Variants in ENTPD7 observed in about 807,000 individuals in gnomAD.
ENTPD7 encodes NTPDase 7.
Under a neutral mutation model 77.9 loss-of-function variants are expected in ENTPD7, and 53 were observed. That is an observed-to-expected ratio of 0.68 (90% confidence interval 0.55 to 0.85). The LOEUF is 0.85. Ranked by LOEUF, ENTPD7 falls within the 40% of genes least tolerant of loss-of-function variation. ENTPD7 has a pLI of 0.00. For missense variants in ENTPD7, 636 were observed against 743.7 expected (o/e 0.86, Z 1.68); for synonymous variants, 248 against 274.9 (o/e 0.90, Z 0.97).
rs1211296721 is a variant in ENTPD7 at position 99,661,595 on chromosome 10, G to A, written c.158G>A (p.Ser53Asn). 1 of 1,611,960 alleles carries A rather than the reference G, an allele frequency of 6.2e-7. No homozygotes were observed. Among genetic ancestry groups the A allele is most frequent in the Non-Finnish European group, 8.5e-7 (1 of 1,179,356 alleles). ...TTAATCATAGACTTTCGACATTGGA[G>A]TGCTTCATTACCACGAGATAGGCAA... ...LMLIIDFRHWSASLPRDRQYE... is the reference protein window; with the variant it reads ...LMLIIDFRHWNASLPRDRQYE... The change falls in exon 3 of 13, where the codon AGT becomes AAT. Residue 53 changes from serine (S) to asparagine (N), a missense_variant. Physicochemically the swap from Ser to Asn is conservative, Grantham distance 46. Around this residue, in one of 3 missense-constraint regions of ENTPD7, gnomAD observed 486 missense variants for 556.5 expected, o/e 0.87. Transcript: ENST00000370489.
At chr10:99,679,546 C>T in intron 4 of ENTPD7, 80 bp downstream of exon 4, 1 of 1,480,258 alleles carries the variant, frequency 6.8e-7, no homozygotes, top group East Asian at 2.4e-5. Context: ...AGCAAGCTAC[C>T]CCTTTCTTCT....
At chr10:99,688,881 G>A in intron 7 of ENTPD7, 131 bp downstream of exon 7, 1 of 805,926 alleles carries the variant, frequency 1.2e-6, no homozygotes, top group Non-Finnish European at 2.0e-6. Flanking sequence ...TCATTTTCCA[G>A]TCCTAATTTG....
At chr10:99,682,565 T>C (rs538294132) in intron 5 of ENTPD7, among the ~76,000 whole-genome samples, 1 of 152,332 alleles carries the variant, frequency 6.6e-6, no homozygotes, top group East Asian at 1.9e-4. Flanking sequence ...AGGGAAATCT[T>C]AAAAATGAAC....
chr10:99,664,472 CAG>C (rs1284591160), intron 3 of ENTPD7, among the ~76,000 whole-genome samples: 1 of 132,878 alleles, frequency 7.5e-6, no homozygotes, highest in Non-Finnish European at 1.6e-5. Context: ...TTTTTTGAGA[CAG>C]AGTCTTGCTC....
chr10:99,670,648 G>A (rs1218005608), intron 3 of ENTPD7, among the ~76,000 whole-genome samples: 1 of 152,156 alleles, frequency 6.6e-6, no homozygotes. Context: ...ATAGGCAACT[G>A]CAACACAATG....
rs1021371415 is a variant in ENTPD7, at chr10:99,710,661, T to C, written c.*5978T>C. The C allele has an allele frequency of 1.0e-6, 1 of 985,424 alleles. No individual in the cohort carries two copies. The highest frequency in any genetic ancestry group is 1.2e-6 in the Non-Finnish European group (1 of 829,908). 61.0% of individuals were successfully genotyped at this position (985,424 alleles called of 1,614,324 possible). ...TCTCCCTTATGCAGGGACATGGGTA[T>C]ATGTGTTACATATGCTGATATATAA... is the stretch of plus-strand genomic sequence containing the variant. On this transcript the variant is annotated 3_prime_UTR_variant, in exon 13 of 13. Transcript: ENST00000370489.
rs749614688 is a variant in ENTPD7 at position 99,679,338 on chromosome 10, G to T, written c.269G>T (p.Cys90Phe). ...CTGAATTATGGACTTGTTGTTGACTGTGGCAGCAGTGGTTCCCGGATTTTT... is the reference window on the plus strand; with the variant it reads ...CTGAATTATGGACTTGTTGTTGACTTTGGCAGCAGTGGTTCCCGGATTTTT... ...PNLNYGLVVD[C>F]GSSGSRIFVY... The change falls in exon 4 of 13, where the codon TGT becomes TTT. Residue 90 changes from cysteine (C) to phenylalanine (F), a missense_variant. Coordinates refer to ENST00000370489, the MANE Select transcript of ENTPD7 (RefSeq NM_020354.5). The T allele has an allele frequency of 6.2e-7, 1 of 1,614,064 alleles. No individual in the cohort carries two copies.
At chr10:99,695,878 C>T (rs939464837) in intron 8 of ENTPD7, 78 bp from the exon 9 acceptor site, 8 of 1,346,370 alleles carry the variant, frequency 5.9e-6, no homozygotes, top group African/African-American at 2.9e-5. Flanking sequence ...AATGAAGCCT[C>T]GTGTATTAGC....
At chr10:99,678,361 G>T (rs1010150544) in intron 3 of ENTPD7, among the ~76,000 whole-genome samples, 4 of 151,746 alleles carry the variant, frequency 2.6e-5, no homozygotes, top group African/African-American at 9.7e-5. Context: ...CCAGCTACTT[G>T]GGAGGCTGAG....
chr10:99,681,224 A>T (rs1210962272), intron 5 of ENTPD7, among the ~76,000 whole-genome samples: 8 of 152,148 alleles, frequency 5.3e-5, no homozygotes, highest in Non-Finnish European at 2.9e-5. Flanking sequence ...AATCTTTGGA[A>T]TAATTAGCCA....
intron 12 of ENTPD7, among the ~76,000 whole-genome samples, chr10:99,704,042 A>C (rs1281191878): frequency 6.6e-6 from 1 of 152,216 alleles, no homozygotes; most frequent in Non-Finnish European, 1.5e-5. Flanking sequence ...CAACTTTAAA[A>C]AAAGGATTTA....
At chr10:99,678,745 C>A (rs1210749408) in intron 3 of ENTPD7, among the ~76,000 whole-genome samples, 1 of 145,536 alleles carries the variant, frequency 6.9e-6, no homozygotes, top group African/African-American at 2.6e-5. Flanking sequence ...CCACTGCGCT[C>A]CAGTCTGGGT....
At chr10:99,701,212 G>A (rs1357776878) in intron 11 of ENTPD7, among the ~76,000 whole-genome samples, 154 bp downstream of exon 11, 1 of 152,072 alleles carries the variant, frequency 6.6e-6, no homozygotes, top group African/African-American at 2.4e-5. Flanking sequence ...CCAAAATAGT[G>A]AGCCTATTAT....
chr10:99,701,292 T>G (rs1041033041), intron 11 of ENTPD7, among the ~76,000 whole-genome samples: 5 of 4,374 alleles, frequency 1.1e-3, no homozygotes, highest in African/African-American at 2.1e-3. Context: ...CAAAAGTGAT[T>G]TTTTTTTTTT....
intron 7 of ENTPD7, 34 bp downstream of exon 7, chr10:99,688,784 TAAG>T: frequency 9.3e-6 from 15 of 1,606,056 alleles, no homozygotes; most frequent in Non-Finnish European, 1.3e-5. Flanking sequence ...ACAGTTTACC[TAAG>T]GGCTGAAGAT....
At position 99,710,922 on chromosome 10, in the gene ENTPD7, G is replaced by A; in HGVS notation, c.*6239G>A. 1 of 985,312 alleles carries A rather than the reference G, an allele frequency of 1.0e-6. No individual in the cohort carries two copies. Among genetic ancestry groups the A allele is most frequent in the Non-Finnish European group, 1.2e-6 (1 of 829,822 alleles). The allele number at this position is 985,312 out of a possible 1,614,324, so 61.0% of individuals were successfully genotyped here. ...CATGTTTTAAAAACAATGGACGTAA[G>A]TGCAGAGAGACCTTTGAAAATATTA... is the stretch of plus-strand genomic sequence containing the variant. On this transcript the variant is annotated 3_prime_UTR_variant, in exon 13 of 13. Transcript: ENST00000370489.
chr10:99,667,767 CTGGCATCTTGACAG>C (rs1375164662), intron 3 of ENTPD7, among the ~76,000 whole-genome samples: 2 of 152,092 alleles, frequency 1.3e-5, no homozygotes, highest in Admixed American at 6.6e-5. Flanking sequence ...TCAGTTATAT[CTGGCATCTTGACAG>C]TGAAGCAGGA....
At position 99,659,831 on chromosome 10, in the gene ENTPD7, C is replaced by G. The variant is rs1036109867; in HGVS notation, c.-95-31C>G. On this transcript the variant is annotated intron_variant, in intron 1 of 12. Transcript: ENST00000370489. This position sits in a 1 kb window ranked among gnomAD's most constrained non-coding sequence, Gnocchi z 4.1. ...TGCAGGTTTGTCTCGTGGGCTCAGT[C>G]GGACAGAAGCCTGAAATCAAATCTT... The G allele has an allele frequency of 5.8e-6, 8 of 1,379,602 alleles. No individual in the cohort carries two copies. Among genetic ancestry groups the G allele is most frequent in the Non-Finnish European group, 6.0e-6 (6 of 994,226 alleles). 85.5% of individuals were successfully genotyped at this position (1,379,602 alleles called of 1,614,324 possible). A position where few individuals can be genotyped will look rare whatever the true frequency, so the allele number is the denominator to read the frequency against.
intron 9 of ENTPD7, 65 bp downstream of exon 9, chr10:99,696,187 TACTC>T (rs916679387): frequency 2.1e-5 from 33 of 1,565,238 alleles, no homozygotes; most frequent in Non-Finnish European, 2.7e-5. Flanking sequence ...TAGGGAGAAA[TACTC>T]ACATCCTCCT....
Sources: gnomAD v4.1 joint callset for allele counts (sites outside exome capture counted in the v4.1 genomes callset) on GRCh38, gnomAD v4.1.1 for gene constraint, gnomAD v4.1.1 regional missense constraint, Gnocchi (gnomAD v3.1) non-coding constraint, MANE v1.5 for transcripts, NCBI Gene and HGNC (gene_info 2026-07-23, HGNC 2026-07-21) for gene names.